The following FBLIM1 variants were observed in gnomAD, a reference collection of about 807,000 sequenced individuals.
FBLIM1 encodes the protein filamin binding LIM protein 1, also known as filamin-binding LIM protein 1.
Under a neutral mutation model 37.4 loss-of-function variants are expected in FBLIM1, and 29 were observed. That is an observed-to-expected ratio of 0.77 (90% CI 0.58 to 1.06). The LOEUF is 1.06. FBLIM1 is among the 50% of genes least tolerant of loss of function. The pLI is 0.00. For missense variants in FBLIM1, 449 were observed against 505.6 expected (o/e 0.89, Z 1.07); for synonymous variants, 193 against 199.0 (o/e 0.97, Z 0.25).
chr1:15,768,823 A>G (rs2069059242), intron 5 of FBLIM1, among the ~76,000 whole-genome samples, 193 bp downstream of exon 5: 1 of 152,160 alleles, frequency 6.6e-6, no homozygotes, highest in African/African-American at 2.4e-5. Flanking sequence ...CCTAAATTCT[A>G]TTTAAAATGT....
At chr1:15,767,623 GTCTGGGCCT>G in intron 4 of FBLIM1, 60 bp downstream of exon 4, 2 of 598,600 alleles carry the variant, frequency 3.3e-6, no homozygotes, top group Non-Finnish European at 2.8e-6. Context: ...GGCACGGGGA[GTCTGGGCCT>G]TCTGGGCATT....
chr1:15,783,154 T>C (rs1166526121), intron 8 of FBLIM1, among the ~76,000 whole-genome samples: 1 of 152,108 alleles, frequency 6.6e-6, no homozygotes, highest in Non-Finnish European at 1.5e-5. Context: ...GAACCAAGTC[T>C]CTGCGCGCAA....
At chr1:15,780,522 C>T (rs1048186394) in intron 8 of FBLIM1, among the ~76,000 whole-genome samples, 1 of 152,074 alleles carries the variant, frequency 6.6e-6, no homozygotes, top group Admixed American at 6.6e-5. Context: ...AACAAGGGGC[C>T]CCACATTTTT....
At chr1:15,760,800 C>T (rs1037093157) in intron 1 of FBLIM1, among the ~76,000 whole-genome samples, 2 of 152,114 alleles carry the variant, frequency 1.3e-5, no homozygotes, top group African/African-American at 2.4e-5. Context: ...ATCTGTGATT[C>T]GCTCTCTGGG....
At chr1:15,761,784 C>T (rs553907102) in intron 1 of FBLIM1, among the ~76,000 whole-genome samples, 7 of 152,264 alleles carry the variant, frequency 4.6e-5, no homozygotes, top group East Asian at 1.9e-4. Flanking sequence ...TTTAGGAGCA[C>T]GTGTTATTGT....
At chr1:15,783,566 G>GTT (rs1350023309) in intron 8 of FBLIM1, among the ~76,000 whole-genome samples, 1 of 129,046 alleles carries the variant, frequency 7.7e-6, no homozygotes, top group African/African-American at 2.9e-5. Context: ...TAGAACTTAC[G>GTT]TTCTTTTTTT....
At position 15,777,249 on chromosome 1, in the gene FBLIM1, A is replaced by T. The variant is rs2069520567; in HGVS notation, c.970A>T (p.Met324Leu). Residue 324 changes from methionine to leucine, a missense_variant, in exon 8 of 9, where the codon ATG becomes TTG. Physicochemically the swap from Met to Leu is conservative, Grantham distance 15 (BLOSUM62 2). Transcript: ENST00000375766. ...GAAAGATGCCTTCAAAATCGAATGCATGGGAAGAAACTTCCATGAAAATTG... is the reference window on the plus strand; with the variant it reads ...GAAAGATGCCTTCAAAATCGAATGCTTGGGAAGAAACTTCCATGAAAATTG... ...DGKDAFKIECMGRNFHENCYR... is the reference protein window; with the variant it reads ...DGKDAFKIECLGRNFHENCYR... 6.2e-7 allele frequency: 1 copy of T among 1,613,438 alleles called. No individual in the cohort carries two copies. The highest frequency in any genetic ancestry group is 8.5e-7 in the Non-Finnish European group (1 of 1,179,522).
intron 3 of FBLIM1, among the ~76,000 whole-genome samples, chr1:15,766,819 C>T (rs1337133564): frequency 6.6e-6 from 1 of 151,704 alleles, no homozygotes; most frequent in African/African-American, 2.4e-5. Context: ...TCTCAAACTT[C>T]CAACCTCAGG....
chr1:15,764,882 AGGAGGGAGGCTCTCTCCTCTCGGG>A (rs2068840899), intron 2 of FBLIM1, 58 bp from the exon 3 acceptor site: 1 of 1,471,874 alleles, frequency 6.8e-7, no homozygotes, highest in East Asian at 2.3e-5. Context: ...TCTTTTTGGG[AGGAGGGAGGCTCTCTCCTCTCGGG>A]GGAGGGTGGC....
intron 8 of FBLIM1, 138 bp downstream of exon 8, chr1:15,777,425 A>G (rs962698230): frequency 5.2e-6 from 3 of 580,880 alleles, no homozygotes; most frequent in Non-Finnish European, 9.2e-6. Flanking sequence ...GAAACAAAAG[A>G]TACTGGAAAT....
Position 15,785,669 on chromosome 1 carries a change from T to C in FBLIM1, c.*1008T>C, listed in dbSNP as rs575908292. The C allele has an allele frequency of 1.3e-5, 2 of 152,286 alleles. No homozygotes were observed. The highest frequency in any genetic ancestry group is 3.9e-4 in the East Asian group (2 of 5,184). The allele number at this position is 152,286 out of a possible 1,614,324, so 9.4% of individuals were successfully genotyped here. A position where few individuals can be genotyped will look rare whatever the true frequency, so the allele number is the denominator to read the frequency against. On this transcript the variant is annotated 3_prime_UTR_variant, in exon 9 of 9. Transcript: ENST00000375766. ...AAGTGCTTTTTGAAAATGTTGAGGTTGAAATGATGGGAACCAACATTCTTT... is the reference window on the plus strand; with the variant it reads ...AAGTGCTTTTTGAAAATGTTGAGGTCGAAATGATGGGAACCAACATTCTTT...
intron 1 of FBLIM1, among the ~76,000 whole-genome samples, chr1:15,760,588 GT>G (rs374701028): frequency 5.6e-4 from 78 of 139,402 alleles, no homozygotes; most frequent in South Asian, 6.8e-4. Context: ...AGGTTTTTTT[GT>G]TTTTTTTTTT....
chr1:15,766,350 G>A (rs2068922512), intron 3 of FBLIM1, among the ~76,000 whole-genome samples: 1 of 152,194 alleles, frequency 6.6e-6, no homozygotes. Flanking sequence ...AAGCAGGAGT[G>A]CAGTGGTGCG....
At chr1:15,764,069 C>T (rs1448374562) in intron 1 of FBLIM1, among the ~76,000 whole-genome samples, 1 of 152,096 alleles carries the variant, frequency 6.6e-6, no homozygotes, top group Non-Finnish European at 1.5e-5. Flanking sequence ...AGGCCTGAAC[C>T]AGGACCCAGG....
Position 15,784,550 on chromosome 1 carries a change from C to G in FBLIM1, c.1011C>G (p.Asp337Glu). The G allele has an allele frequency of 6.2e-7, 1 of 1,613,708 alleles. No homozygotes were observed. Among genetic ancestry groups the G allele is most frequent in the Non-Finnish European group, 8.5e-7 (1 of 1,179,682 alleles). Residue 337 changes from aspartate to glutamate, a missense_variant and splice_region_variant, in exon 9 of 9, where the codon GAC becomes GAG. Physicochemically the swap from Asp to Glu is conservative, Grantham distance 45 (BLOSUM62 2). Coordinates refer to ENST00000375766, the MANE Select transcript of FBLIM1 (RefSeq NM_017556.4). The part of the protein sequence containing the change: ...NFHENCYRCE[D>E]CRILLSVEPT... ...AGCATGTGTCTTTGTCTCCCCAGGA[C>G]TGCAGGATCCTCCTGTCTGTCGAGC...
intron 1 of FBLIM1, among the ~76,000 whole-genome samples, chr1:15,763,567 T>C: frequency 6.7e-6 from 1 of 149,948 alleles, no homozygotes; most frequent in East Asian, 2.2e-4. Flanking sequence ...ACCTGGGAAG[T>C]GGAGCTTGCA....
chr1:15,776,000 A>G (rs963138900), intron 7 of FBLIM1, among the ~76,000 whole-genome samples: 1 of 152,160 alleles, frequency 6.6e-6, no homozygotes, highest in Non-Finnish European at 1.5e-5. Flanking sequence ...CCTTGGGGAG[A>G]AAAAGGAACA....
At chr1:15,775,698 G>C (rs115578269) in intron 7 of FBLIM1, among the ~76,000 whole-genome samples, 2,293 of 152,110 alleles carry the variant, frequency 0.015, 57 homozygotes, top group African/African-American at 0.053. Flanking sequence ...GAAAGCTCCC[G>C]AACCCTGTCC....
chr1:15,767,335 C>G, intron 3 of FBLIM1, 41 bp from the exon 4 acceptor site: 2 of 1,505,850 alleles, frequency 1.3e-6, no homozygotes, highest in Non-Finnish European at 1.8e-6. Flanking sequence ...CCAGGTCCAC[C>G]TGGGAGGCTC....
Sources: allele counts gnomAD v4.1 joint callset (sites outside exome capture counted in the v4.1 genomes callset), GRCh38; gene constraint gnomAD v4.1.1; transcripts MANE v1.5; gene names NCBI Gene and HGNC (gene_info 2026-07-23, HGNC 2026-07-21).